Variants in SEL1L2 observed in about 807,000 individuals in gnomAD.
The protein encoded by SEL1L2 is SEL1L2 adaptor subunit of SYVN1 ubiquitin ligase.
A neutral mutation model predicts 98.8 loss-of-function variants in SEL1L2; 89 were observed. The ratio of observed to expected loss-of-function variants is 0.90; its 90% confidence interval spans 0.76 to 1.07. The LOEUF is 1.07. Among genes scored for constraint, SEL1L2 ranks in the 50% least tolerant of loss-of-function variants. The probability of loss-of-function intolerance (pLI) is 0.00; values close to 1 mark genes in which losing one functional copy is unlikely to be tolerated. For missense variants in SEL1L2, 788 were observed against 812.0 expected, an observed-to-expected ratio of 0.97 and a Z score of 0.36; for synonymous variants, 262 against 278.5, an observed-to-expected ratio of 0.94 and a Z score of 0.59.
rs118027211 is a variant in SEL1L2, at chr20:13,874,230, G to A, written c.1104+1808C>T. Among the ~76,000 whole-genome samples, 1,518 of 152,238 alleles carry A rather than the reference G, an allele frequency of 1.0e-2. 11 individuals carry two copies. Among genetic ancestry groups the A allele is most frequent in the South Asian group, 0.047 (225 of 4,820 alleles). ...TTTCTAAGTAAATAAGACAAAAGAT[G>A]TTGTAAAATGTGTAGCTCTGTGTCA... On this transcript the variant is annotated intron_variant, in intron 12 of 19. Coordinates refer to ENST00000284951, the MANE Select transcript of SEL1L2 (RefSeq NM_025229.2).
intron 2 of SEL1L2, among the ~76,000 whole-genome samples, chr20:13,944,696 T>C (rs1448615737): frequency 6.6e-6 from 1 of 152,272 alleles, no homozygotes; most frequent in Non-Finnish European, 1.5e-5. Context: ...TGCTGGTAGG[T>C]TGATAGAGTT....
At chr20:13,850,074 A>C in intron 19 of SEL1L2, 117 bp downstream of exon 19, 1 of 1,166,036 alleles carries the variant, frequency 8.6e-7, no homozygotes, top group African/African-American at 1.6e-5. Context: ...TCTGAATTTT[A>C]CTTCTCAAAG....
At chr20:13,942,538 A>T (rs1455382236) in intron 2 of SEL1L2, among the ~76,000 whole-genome samples, 1 of 152,158 alleles carries the variant, frequency 6.6e-6, no homozygotes. Context: ...GGTGATTATG[A>T]TGCATCCTTA....
intron 3 of SEL1L2, among the ~76,000 whole-genome samples, chr20:13,926,801 C>A (rs2048927838): frequency 6.6e-6 from 1 of 152,124 alleles, no homozygotes; most frequent in Non-Finnish European, 1.5e-5. Context: ...GCCCCAGAAG[C>A]AGCAAAAAGG....
chr20:13,937,608 G>A (rs189268742), intron 2 of SEL1L2, among the ~76,000 whole-genome samples: 75 of 152,272 alleles, frequency 4.9e-4, no homozygotes, highest in Non-Finnish European at 9.0e-4. Flanking sequence ...AAGAACCTGG[G>A]TTTTAGCTGA....
intron 2 of SEL1L2, among the ~76,000 whole-genome samples, chr20:13,937,031 C>T (rs935418460): frequency 6.6e-6 from 1 of 152,236 alleles, no homozygotes; most frequent in African/African-American, 2.4e-5. Flanking sequence ...CAGCCAAACT[C>T]TTCTACTCCC....
At chr20:13,954,941 T>C (rs1477782381) in intron 2 of SEL1L2, among the ~76,000 whole-genome samples, 1 of 152,222 alleles carries the variant, frequency 6.6e-6, no homozygotes, top group Non-Finnish European at 1.5e-5. Context: ...GTGGTAGTTA[T>C]AGTGATAAGA....
intron 2 of SEL1L2, among the ~76,000 whole-genome samples, chr20:13,954,233 C>A (rs2050409611): frequency 6.6e-6 from 1 of 152,126 alleles, no homozygotes; most frequent in African/African-American, 2.4e-5. Context: ...GGAAGATAAC[C>A]AGAATTTGCC....
At chr20:13,906,744 T>C (rs1165726882) in intron 5 of SEL1L2, among the ~76,000 whole-genome samples, 1 of 152,172 alleles carries the variant, frequency 6.6e-6, no homozygotes, top group Admixed American at 6.5e-5. Context: ...AGTGGCCCCA[T>C]CTAGGCTCAC....
chr20:13,953,659 G>A lies in SEL1L2; in HGVS notation c.114+2417C>T, dbSNP rs79475312. On this transcript the variant is annotated intron_variant, in intron 2 of 19. Coordinates refer to ENST00000284951, the MANE Select transcript of SEL1L2 (RefSeq NM_025229.2). ...TCTCCTATTCCGGGGTTGGTAACCT[G>A]GATTTAATTTGTGAGCCCACTGGCA... is the stretch of plus-strand genomic sequence containing the variant. Among the ~76,000 whole-genome samples, 86 of 152,266 alleles carry A rather than the reference G, an allele frequency of 5.6e-4. No individual in the cohort carries two copies. In the Middle Eastern group the frequency reaches 0.014, roughly 24 times the overall value.
chr20:13,948,661 C>T (rs1043230635), intron 2 of SEL1L2, among the ~76,000 whole-genome samples: 14 of 152,140 alleles, frequency 9.2e-5, no homozygotes, highest in African/African-American at 3.1e-4. Flanking sequence ...TAGAAGAAAA[C>T]ATAGGAGAAA....
intron 2 of SEL1L2, among the ~76,000 whole-genome samples, chr20:13,934,168 G>C (rs552820032): frequency 1.3e-5 from 2 of 148,204 alleles, no homozygotes; most frequent in South Asian, 4.3e-4. Flanking sequence ...TCATTCTTAT[G>C]GCTTTGCATC....
At chr20:13,859,483 T>A (rs1278205968) in intron 17 of SEL1L2, 49 bp from the exon 18 acceptor site, 9 of 1,501,172 alleles carry the variant, frequency 6.0e-6, no homozygotes, top group Admixed American at 1.8e-5. Flanking sequence ...ATGATTCATG[T>A]ATAGTTCTCA....
At chr20:13,883,497 G>A (rs1361753454) in intron 10 of SEL1L2, among the ~76,000 whole-genome samples, 2 of 152,200 alleles carry the variant, frequency 1.3e-5, no homozygotes, top group African/African-American at 2.4e-5. Context: ...TCCCAGCTGT[G>A]AGCCTTGAAG....
chr20:13,929,116 A>C (rs2049016691), intron 3 of SEL1L2, among the ~76,000 whole-genome samples: 1 of 152,204 alleles, frequency 6.6e-6, no homozygotes, highest in South Asian at 2.1e-4. Context: ...GCCTGTGGAT[A>C]GCAGCTTCAG....
intron 11 of SEL1L2, among the ~76,000 whole-genome samples, chr20:13,876,884 C>T (rs574171738): frequency 2.6e-5 from 4 of 152,042 alleles, no homozygotes; most frequent in South Asian, 2.1e-4. Context: ...AGAGCAGTGG[C>T]GTGATCTCAG....
chr20:13,859,575 C>G (rs1182850461), intron 17 of SEL1L2, 141 bp from the exon 18 acceptor site: 2 of 654,834 alleles, frequency 3.1e-6, no homozygotes, highest in Non-Finnish European at 5.2e-6. Context: ...ACCAAAAACA[C>G]TCAGAACCCC....
chr20:13,901,103 C>A (rs1172337522), intron 5 of SEL1L2, among the ~76,000 whole-genome samples: 2 of 128,740 alleles, frequency 1.6e-5, no homozygotes, highest in African/African-American at 6.0e-5. Flanking sequence ...CGGAGTCTTG[C>A]TCTGTCCTCC....
rs111414778 is a variant in SEL1L2, at chr20:13,990,482, A to C, written c.53T>G (p.Ile18Ser). ...CTAAGGACAAAAAAACTTACTTTTA[A>C]TTGTGACCCCAAGAATTATCAATAT... Reference protein sequence around the residue: ...IEILIILGVTIKTIKAEEHNK... With the variant: ...IEILIILGVTSKTIKAEEHNK... Residue 18 changes from isoleucine (I) to serine (S), a missense_variant, in exon 1 of 20, where the codon ATT becomes AGT. Ile to Ser is a moderately radical substitution (Grantham distance 142, BLOSUM62 -2). Coordinates refer to ENST00000284951, the MANE Select transcript of SEL1L2 (RefSeq NM_025229.2). The C allele has an allele frequency of 6.2e-7, 1 of 1,610,796 alleles. No individual in the cohort carries two copies. The highest frequency in any genetic ancestry group is 1.3e-5 in the African/African-American group (1 of 74,830).
Sources: gnomAD v4.1 joint callset for allele counts (sites outside exome capture counted in the v4.1 genomes callset) on GRCh38, gnomAD v4.1.1 for gene constraint, MANE v1.5 for transcripts, NCBI Gene and HGNC (gene_info 2026-07-23, HGNC 2026-07-21) for gene names.